Variants in ARHGAP6 observed in about 807,000 individuals in gnomAD.
ARHGAP6 encodes Rho GTPase activating protein 6.
A neutral mutation model predicts 55.7 loss-of-function variants in ARHGAP6; 16 were observed. The observed-to-expected ratio is 0.29, with a 90% CI of 0.19 to 0.44. The LOEUF is 0.44. ARHGAP6 is among the 20% of genes least tolerant of loss of function. The probability of loss-of-function intolerance (pLI) is 1.00; values close to 1 mark genes in which losing one functional copy is unlikely to be tolerated. For synonymous variants in ARHGAP6, 382 were observed against 360.9 expected (o/e 1.06, Z -0.66); for missense variants, 698 against 808.9 (o/e 0.86, Z 1.66).
intron 1 of ARHGAP6, among the ~76,000 whole-genome samples, chrX:11,447,406 T>C (rs2050102123): frequency 8.9e-6 from 1 of 112,494 alleles, no homozygotes. Flanking sequence ...GAGTCCTTTA[T>C]TATCTTAGAT....
intron 1 of ARHGAP6, among the ~76,000 whole-genome samples, chrX:11,448,761 C>T (rs137968401): frequency 0.025 from 2,759 of 111,198 alleles, 40 homozygotes; most frequent in Non-Finnish European, 0.037. Context: ...CAAATGAGTG[C>T]GTTCATCTTA....
chrX:11,218,229 T>G (rs979736480), intron 2 of ARHGAP6, among the ~76,000 whole-genome samples: 1 of 111,866 alleles, frequency 8.9e-6, no homozygotes, highest in East Asian at 2.8e-4. Context: ...TTCAAAGTAG[T>G]TTTTTCTAAT....
intron 1 of ARHGAP6, among the ~76,000 whole-genome samples, chrX:11,484,983 C>T (rs763829770): frequency 1.6e-4 from 18 of 110,945 alleles, no homozygotes; most frequent in Non-Finnish European, 3.2e-4. Flanking sequence ...CACTCTTGTG[C>T]TCAATGCCAC....
Position 11,329,199 on chromosome X carries a change from T to A in ARHGAP6, c.589-74492A>T, listed in dbSNP as rs144723637. 8.1e-4 allele frequency among the ~76,000 whole-genome samples: 90 copies of A among 111,763 alleles called. 1 individual carries two copies. The East Asian group carries it at 0.023, about 29-fold the overall frequency. On this transcript the variant is annotated intron_variant, in intron 1 of 12. Coordinates refer to ENST00000337414, the MANE Select transcript of ARHGAP6 (RefSeq NM_013427.3). ...GTTGGCACCAGAGTTATGAGATCAT[T>A]ATGGGAAGTTCGTGAACCTGGTGCT...
chrX:11,403,594 G>A (rs1486443418), intron 1 of ARHGAP6, among the ~76,000 whole-genome samples: 4 of 111,828 alleles, frequency 3.6e-5, no homozygotes, highest in Non-Finnish European at 7.5e-5. Flanking sequence ...AATTGCATAT[G>A]TGGCTTGGAT....
chrX:11,649,740 G>A (rs1278763381), intron 1 of ARHGAP6, among the ~76,000 whole-genome samples: 1 of 111,317 alleles, frequency 9.0e-6, no homozygotes, highest in Non-Finnish European at 1.9e-5. Context: ...ATTATATATG[G>A]TAATAGCCAA....
intron 1 of ARHGAP6, among the ~76,000 whole-genome samples, chrX:11,551,653 T>A (rs1482092642): frequency 8.9e-6 from 1 of 111,895 alleles, no homozygotes; most frequent in Non-Finnish European, 1.9e-5. Flanking sequence ...TAAAATGATG[T>A]CATTAGAGTG....
intron 1 of ARHGAP6, among the ~76,000 whole-genome samples, chrX:11,405,112 C>T (rs191260900): frequency 8.9e-5 from 10 of 111,808 alleles, no homozygotes; most frequent in Admixed American, 1.9e-4. Flanking sequence ...CTCCAGCAAA[C>T]GTTAGAGCAG....
intron 1 of ARHGAP6, among the ~76,000 whole-genome samples, chrX:11,456,581 G>T (rs940681694): frequency 9.0e-6 from 1 of 111,463 alleles, no homozygotes; most frequent in Non-Finnish European, 1.9e-5. Context: ...AACTTAACCA[G>T]TGGCAAGGGG....
At chrX:11,326,721 T>C (rs2048503932) in intron 1 of ARHGAP6, among the ~76,000 whole-genome samples, 1 of 111,989 alleles carries the variant, frequency 8.9e-6, no homozygotes, top group African/African-American at 3.2e-5. Flanking sequence ...AAACAAACTT[T>C]TAACAGCCTT....
chrX:11,513,843 C>T (rs1171365854), intron 1 of ARHGAP6, among the ~76,000 whole-genome samples: 3 of 110,818 alleles, frequency 2.7e-5, no homozygotes, highest in African/African-American at 9.8e-5. Flanking sequence ...ACTTTCCATG[C>T]CTACCTTGGT....
At chrX:11,611,254 T>G (rs2052098282) in intron 1 of ARHGAP6, among the ~76,000 whole-genome samples, 1 of 112,324 alleles carries the variant, frequency 8.9e-6, no homozygotes, top group Non-Finnish European at 1.9e-5. Context: ...AAACATAACT[T>G]TTCTAACTAA....
At chrX:11,641,368 G>A (rs1250129786) in intron 1 of ARHGAP6, among the ~76,000 whole-genome samples, 1 of 111,692 alleles carries the variant, frequency 9.0e-6, no homozygotes, top group African/African-American at 3.2e-5. Context: ...GGGAGAAAAT[G>A]TTTTCCAAAG....
intron 1 of ARHGAP6, among the ~76,000 whole-genome samples, chrX:11,280,239 G>C (rs998993620): frequency 2.7e-5 from 3 of 111,848 alleles, no homozygotes; most frequent in African/African-American, 9.8e-5. Flanking sequence ...CTCCAGGTTA[G>C]AATCTTCTTT....
chrX:11,407,061 G>C, intron 1 of ARHGAP6, among the ~76,000 whole-genome samples: 1 of 111,171 alleles, frequency 9.0e-6, no homozygotes, highest in Non-Finnish European at 1.9e-5. Flanking sequence ...TATATTCACA[G>C]AGTTGTGCAA....
intron 2 of ARHGAP6, among the ~76,000 whole-genome samples, chrX:11,217,627 G>A (rs2046900991): frequency 9.0e-6 from 1 of 111,566 alleles, no homozygotes; most frequent in Non-Finnish European, 1.9e-5. Context: ...TTGTTAGATG[G>A]ATAGATTGCA....
At chrX:11,404,933 T>C (rs925298255) in intron 1 of ARHGAP6, among the ~76,000 whole-genome samples, 1 of 112,092 alleles carries the variant, frequency 8.9e-6, no homozygotes, top group Non-Finnish European at 1.9e-5. Context: ...AGCATAATTA[T>C]AGGTGAAAAT....
intron 1 of ARHGAP6, among the ~76,000 whole-genome samples, chrX:11,390,372 G>C (rs2049387430): frequency 9.0e-6 from 1 of 110,687 alleles, no homozygotes; most frequent in Non-Finnish European, 1.9e-5. Context: ...ATGCCTCCAG[G>C]TAGGCAATAC....
intron 2 of ARHGAP6, among the ~76,000 whole-genome samples, chrX:11,253,917 A>C (rs1297398518): frequency 9.0e-6 from 1 of 111,005 alleles, no homozygotes; most frequent in East Asian, 2.8e-4. Context: ...AAAAAAAAAA[A>C]AGTGCCTTTA....
Sources: gnomAD v4.1 joint callset for allele counts (sites outside exome capture counted in the v4.1 genomes callset) on GRCh38, gnomAD v4.1.1 for gene constraint, MANE v1.5 for transcripts, NCBI Gene and HGNC (gene_info 2026-07-23, HGNC 2026-07-21) for gene names.